The following RFC1 variants were observed in gnomAD, a reference collection of about 807,000 sequenced individuals.
RFC1 encodes the protein A1 140 kDa subunit.
RFC1 carries 37 observed loss-of-function variants against 137.4 expected under a neutral mutation model. That is an observed-to-expected ratio of 0.27 (90% CI 0.21 to 0.35). The LOEUF (loss-of-function observed/expected upper bound fraction) is 0.35, where lower values mean the gene tolerates loss of function less well. Among genes scored for constraint, RFC1 ranks in the 10% least tolerant of loss-of-function variants. The probability of loss-of-function intolerance (pLI) is 1.00; values close to 1 mark genes in which losing one functional copy is unlikely to be tolerated. For missense variants in RFC1, 1,205 were observed against 1,358.5 expected, an observed-to-expected ratio of 0.89 and a Z score of 1.78; for synonymous variants, 429 against 455.7, an observed-to-expected ratio of 0.94 and a Z score of 0.75.
At chr4:39,359,232 T>A (rs1029200000) in intron 1 of RFC1, among the ~76,000 whole-genome samples, 2 of 152,228 alleles carry the variant, frequency 1.3e-5, no homozygotes, top group African/African-American at 4.8e-5. Context: ...GGACTTCTTT[T>A]GTTTACTTAA....
intron 2 of RFC1, among the ~76,000 whole-genome samples, chr4:39,347,706 C>G (rs932668549): frequency 5.3e-5 from 8 of 152,230 alleles, no homozygotes; most frequent in Admixed American, 2.6e-4. Flanking sequence ...ACAATGAGAG[C>G]TGATGAAGAG....
At chr4:39,321,057 C>T (rs935598005) in intron 8 of RFC1, among the ~76,000 whole-genome samples, 1 of 152,134 alleles carries the variant, frequency 6.6e-6, no homozygotes, top group African/African-American at 2.4e-5. Context: ...AACAAGAAGC[C>T]AGGAGTTTTA....
At chr4:39,302,969 G>A in intron 16 of RFC1, 91 bp downstream of exon 16, 1 of 1,437,352 alleles carries the variant, frequency 7.0e-7, no homozygotes, top group Non-Finnish European at 9.8e-7. Flanking sequence ...TCAGCAACAT[G>A]CCTTAACTGC....
At chr4:39,296,391 A>C (rs1738004708) in intron 21 of RFC1, among the ~76,000 whole-genome samples, 1 of 112,284 alleles carries the variant, frequency 8.9e-6, no homozygotes, top group Admixed American at 8.9e-5. Flanking sequence ...TCCCAATGCT[A>C]TCCCTCCCCC....
Position 39,320,373 on chromosome 4 carries a change from AAG to A in RFC1, c.1095+8_1095+9del. 7.1e-7 allele frequency: 1 copy of A among 1,405,828 alleles called. No homozygotes were observed. The highest frequency in any genetic ancestry group is 2.6e-5 in the Admixed American group (1 of 37,806). 87.1% of individuals were successfully genotyped at this position (1,405,828 alleles called of 1,614,324 possible). ...TCAAAAAAAAAAAAAAAAAAAAACA[AAG>A]TTCTTACCTCTTTTTTAGCTGGAGA... On this transcript the variant is annotated splice_region_variant and intron_variant, in intron 9 of 24. Coordinates refer to ENST00000349703, the MANE Select transcript of RFC1 (RefSeq NM_002913.5).
In RFC1 at chr4:39,293,312, T is replaced by C. The variant is rs147211325; in HGVS notation, c.2955-1460A>G. On this transcript the variant is annotated intron_variant, in intron 22 of 24. Coordinates refer to ENST00000349703, the MANE Select transcript of RFC1 (RefSeq NM_002913.5). ...GTTTTACAGTATCATCATCTTCTAA[T>C]AGACTCATAGAAAAGTCAAAGATGC... Among the ~76,000 whole-genome samples the C allele has an allele frequency of 3.4e-3, 524 of 152,294 alleles. 4 individuals are homozygous for C. The highest frequency in any genetic ancestry group is 0.012 in the African/African-American group (495 of 41,554).
chr4:39,343,015 C>T (rs1740679141), intron 3 of RFC1, among the ~76,000 whole-genome samples: 1 of 152,140 alleles, frequency 6.6e-6, no homozygotes, highest in African/African-American at 2.4e-5. Context: ...TCCAAATAAT[C>T]CAGGATAATC....
At chr4:39,353,658 T>C (rs1741324375) in intron 1 of RFC1, among the ~76,000 whole-genome samples, 1 of 152,178 alleles carries the variant, frequency 6.6e-6, no homozygotes, top group South Asian at 2.1e-4. Context: ...ACTTTATTGC[T>C]TCTGGAGCAA....
Position 39,299,990 on chromosome 4 carries a change from G to A in RFC1, c.2808+31C>T, listed in dbSNP as rs763160847. On this transcript the variant is annotated intron_variant, in intron 21 of 24. Coordinates refer to ENST00000349703, the MANE Select transcript of RFC1 (RefSeq NM_002913.5). ...ATTTAGTTCTCTTAGTAAAAGCAGAGCCTGCATGTTAGGGAGAGCCCTCTG... is the reference window on the plus strand; with the variant it reads ...ATTTAGTTCTCTTAGTAAAAGCAGAACCTGCATGTTAGGGAGAGCCCTCTG... The A allele has an allele frequency of 4.8e-6, 6 of 1,248,416 alleles. No individual in the cohort carries two copies. The Admixed American group carries it at 1.0e-4, about 21-fold the overall frequency. 77.3% of individuals were successfully genotyped at this position (1,248,416 alleles called of 1,614,324 possible).
intron 4 of RFC1, among the ~76,000 whole-genome samples, chr4:39,332,855 C>T (rs955389465): frequency 2.0e-5 from 3 of 152,198 alleles, no homozygotes; most frequent in Admixed American, 2.0e-4. Flanking sequence ...TGGTGGCCCA[C>T]GCCTATAATC....
At chr4:39,364,578 G>C (rs999539920) in intron 1 of RFC1, among the ~76,000 whole-genome samples, 3 of 152,142 alleles carry the variant, frequency 2.0e-5, no homozygotes, top group Admixed American at 2.0e-4. Flanking sequence ...GACCACACAA[G>C]CTATGTTCAC....
At chr4:39,311,689 G>A in intron 11 of RFC1, 140 bp from the exon 12 acceptor site, 12 of 561,384 alleles carry the variant, frequency 2.1e-5, no homozygotes, top group African/African-American at 3.9e-5. Flanking sequence ...AATTAAAAAA[G>A]AAAAACAAAA....
At chr4:39,317,077 T>G in intron 9 of RFC1, 55 bp from the exon 10 acceptor site, 1 of 1,046,282 alleles carries the variant, frequency 9.6e-7, no homozygotes, top group East Asian at 2.4e-5. Flanking sequence ...CATGCAAAAT[T>G]TAAAATACAT....
intron 4 of RFC1, among the ~76,000 whole-genome samples, chr4:39,336,719 C>T (rs1740371681): frequency 6.6e-6 from 1 of 152,188 alleles, no homozygotes; most frequent in African/African-American, 2.4e-5. Context: ...AAAGGCCCCT[C>T]AGAAGGCAAT....
chr4:39,295,547 T>C (rs1379360766), intron 22 of RFC1, 67 bp downstream of exon 22: 1 of 1,299,368 alleles, frequency 7.7e-7, no homozygotes, highest in East Asian at 2.4e-5. Context: ...ACTCACATGA[T>C]CATTACTGGA....
intron 8 of RFC1, 103 bp downstream of exon 8, chr4:39,321,184 C>G (rs1578135876): frequency 2.2e-6 from 2 of 890,370 alleles, no homozygotes; most frequent in African/African-American, 3.3e-5. Flanking sequence ...ATAATGTCTA[C>G]CTAACAATAC....
rs17335083 is a variant in RFC1 at position 39,316,102 on chromosome 4, C to T, written c.1203+813G>A. Among the ~76,000 whole-genome samples, 699 of 152,212 alleles carry T rather than the reference C, an allele frequency of 4.6e-3. 4 individuals are homozygous for T. The highest frequency in any genetic ancestry group is 0.015 in the African/African-American group (628 of 41,520). On this transcript the variant is annotated intron_variant, in intron 10 of 24. Coordinates refer to ENST00000349703, the MANE Select transcript of RFC1 (RefSeq NM_002913.5). The stretch of plus-strand genomic sequence containing the variant: ...AAAATTAGCCAGGCATGGTGGCGCA[C>T]GCCTGTAATCCCAGCAACTCCAGAG...
chr4:39,345,373 T>C, intron 3 of RFC1, 28 bp downstream of exon 3: 1 of 1,594,408 alleles, frequency 6.3e-7, no homozygotes, highest in Non-Finnish European at 8.6e-7. Context: ...ACTTTAAAAT[T>C]TTAAAGCTCC....
intron 22 of RFC1, among the ~76,000 whole-genome samples, chr4:39,292,940 CAGCCTGTATACGTAA>C (rs546320056): frequency 1.5e-4 from 23 of 152,236 alleles, no homozygotes; most frequent in Admixed American, 1.4e-3. Context: ...CCACCGCACC[CAGCCTGTATACGTAA>C]AACTTCAAAA....
Sources: gnomAD v4.1 joint callset for allele counts (sites outside exome capture counted in the v4.1 genomes callset) on GRCh38, gnomAD v4.1.1 for gene constraint, MANE v1.5 for transcripts, NCBI Gene and HGNC (gene_info 2026-07-23, HGNC 2026-07-21) for gene names.